TMEM132B: variants seen among roughly 807,000 people sequenced by gnomAD.
The protein encoded by TMEM132B is transmembrane protein 132B.
Under a neutral mutation model 90.8 loss-of-function variants are expected in TMEM132B, and 18 were observed. The ratio of observed to expected loss-of-function variants is 0.20; its 90% CI spans 0.14 to 0.29. The LOEUF (loss-of-function observed/expected upper bound fraction) is 0.29, where lower values mean the gene tolerates loss of function less well. Among genes scored for constraint, TMEM132B ranks in the 10% least tolerant of loss-of-function variants. The pLI is 1.00. For missense variants in TMEM132B, 1,096 were observed against 1,326.8 expected (o/e 0.83, Z 2.70); for synonymous variants, 504 against 523.3 (o/e 0.96, Z 0.50).
At chr12:125,651,512 G>A (rs934401638) in intron 7 of TMEM132B, among the ~76,000 whole-genome samples, 7 of 152,140 alleles carry the variant, frequency 4.6e-5, no homozygotes, top group Non-Finnish European at 8.8e-5. Context: ...AAATGTTTCC[G>A]CTCAGAGTTA....
intron 1 of TMEM132B, among the ~76,000 whole-genome samples, chr12:125,260,335 T>C (rs1003579379): frequency 2.0e-5 from 3 of 152,106 alleles, no homozygotes; most frequent in East Asian, 1.9e-4. Context: ...CATTTAAGTG[T>C]GTACAAACTC....
At chr12:125,455,393 T>G (rs1881266488) in intron 3 of TMEM132B, among the ~76,000 whole-genome samples, 1 of 152,106 alleles carries the variant, frequency 6.6e-6, no homozygotes, top group South Asian at 2.1e-4. Context: ...GCTTAGTGAT[T>G]AAAGTAAATC....
chr12:125,395,691 G>T (rs1256204118), intron 2 of TMEM132B, among the ~76,000 whole-genome samples: 1 of 152,190 alleles, frequency 6.6e-6, no homozygotes, highest in Non-Finnish European at 1.5e-5. Context: ...GCAAATAGAA[G>T]ACACCCAACT....
intron 3 of TMEM132B, among the ~76,000 whole-genome samples, chr12:125,514,160 G>A (rs1883047717): frequency 6.6e-6 from 1 of 152,170 alleles, no homozygotes; most frequent in Admixed American, 6.5e-5. Context: ...AGGCTCTGCT[G>A]GCTGGTCGCT....
At chr12:125,446,126 A>T (rs1442718621) in intron 3 of TMEM132B, among the ~76,000 whole-genome samples, 1 of 152,202 alleles carries the variant, frequency 6.6e-6, no homozygotes, top group Non-Finnish European at 1.5e-5. Flanking sequence ...TATCTTGATA[A>T]GTTCTTCCCC....
intron 1 of TMEM132B, among the ~76,000 whole-genome samples, chr12:125,210,252 G>C (rs1873289787): frequency 6.6e-6 from 1 of 152,216 alleles, no homozygotes; most frequent in Admixed American, 6.5e-5. Flanking sequence ...CAGAGATCCA[G>C]GGAACTTAAA....
intron 3 of TMEM132B, among the ~76,000 whole-genome samples, chr12:125,473,197 C>T (rs1205624722): frequency 6.6e-6 from 1 of 152,136 alleles, no homozygotes; most frequent in African/African-American, 2.4e-5. Context: ...TTTGCACTTG[C>T]TGTTCCCCCT....
At chr12:125,616,866 A>G (rs1379215074) in intron 5 of TMEM132B, among the ~76,000 whole-genome samples, 2 of 152,168 alleles carry the variant, frequency 1.3e-5, no homozygotes, top group African/African-American at 4.8e-5. Context: ...TTATAAGAAG[A>G]GAAAGACAGA....
At chr12:125,578,155 T>C (rs948524511) in intron 4 of TMEM132B, among the ~76,000 whole-genome samples, 2 of 152,134 alleles carry the variant, frequency 1.3e-5, no homozygotes, top group Non-Finnish European at 2.9e-5. Flanking sequence ...CTTTTCCTTG[T>C]TGATCTTATG....
intron 1 of TMEM132B, among the ~76,000 whole-genome samples, chr12:125,340,568 G>A (rs7134868): frequency 0.72 from 108,829 of 151,960 alleles, 39,049 homozygotes; most frequent in South Asian, 0.82. Context: ...ATTCTCTGTT[G>A]TATTTCAAAT....
chr12:125,331,597 G>C (rs2136205133), intron 1 of TMEM132B, among the ~76,000 whole-genome samples: 1 of 152,288 alleles, frequency 6.6e-6, no homozygotes, highest in East Asian at 1.9e-4. Context: ...AGCAGGAGCT[G>C]TACAGATGCC....
chr12:125,350,009 G>C lies in TMEM132B; in HGVS notation c.625G>C (p.Glu209Gln). ...FSSGLDLEPE[E>Q]EIPALLGGTT... is the part of the protein sequence containing the mutation. ...CTCAGGCCTGGACCTGGAACCAGAG[G>C]AGGAGATCCCAGCCCTGCTCGGGGG... Residue 209 changes from glutamate (E) to glutamine (Q), a missense_variant, in exon 2 of 9, where the codon GAG (glutamate) becomes CAG (glutamine). Coordinates refer to ENST00000682704, the MANE Select transcript of TMEM132B (RefSeq NM_001366854.1). The C allele has an allele frequency of 6.2e-7, 1 of 1,614,190 alleles. No individual in the cohort carries two copies. The highest frequency in any genetic ancestry group is 8.5e-7 in the Non-Finnish European group (1 of 1,180,032).
intron 5 of TMEM132B, among the ~76,000 whole-genome samples, chr12:125,594,156 A>G (rs1311978921): frequency 2.0e-5 from 3 of 152,192 alleles, no homozygotes; most frequent in Non-Finnish European, 1.5e-5. Context: ...ATCATAATGT[A>G]TGCTCCCTGT....
At chr12:125,274,646 A>G (rs1468302462) in intron 1 of TMEM132B, among the ~76,000 whole-genome samples, 1 of 152,262 alleles carries the variant, frequency 6.6e-6, no homozygotes, top group Admixed American at 6.5e-5. Flanking sequence ...AGAGGAGAAC[A>G]GGCTGCATTC....
chr12:125,506,635 AAAAATACTTTATC>A (rs1456995088), intron 3 of TMEM132B, among the ~76,000 whole-genome samples: 1 of 152,232 alleles, frequency 6.6e-6, no homozygotes, highest in Non-Finnish European at 1.5e-5. Context: ...AATTTTTGAA[AAAAATACTTTATC>A]AAAATACTTT....
chr12:125,290,396 A>G (rs921567597), intron 1 of TMEM132B, among the ~76,000 whole-genome samples: 2 of 152,160 alleles, frequency 1.3e-5, no homozygotes, highest in African/African-American at 2.4e-5. Context: ...GACAGTTACA[A>G]TCGATGCTCC....
intron 3 of TMEM132B, among the ~76,000 whole-genome samples, chr12:125,491,361 G>A (rs1472068613): frequency 6.6e-6 from 1 of 151,874 alleles, no homozygotes; most frequent in East Asian, 1.9e-4. Context: ...CCAAAGCTTT[G>A]GATTACTAAT....
chr12:125,652,635 G>A lies in TMEM132B; in HGVS notation c.2106+3G>A. 6.2e-7 allele frequency: 1 copy of A among 1,608,750 alleles called. No individual in the cohort carries two copies. Among genetic ancestry groups the A allele is most frequent in the Non-Finnish European group, 8.5e-7 (1 of 1,177,308 alleles). On this transcript the variant is annotated splice_donor_region_variant and intron_variant, in intron 8 of 8. Transcript: ENST00000682704. ...ATGTTCTTCAGTCCCCACAGCAGGT[G>A]AGCGTTCCAGGGGCCCTGCGTCCTT...
intron 4 of TMEM132B, among the ~76,000 whole-genome samples, chr12:125,549,347 T>G (rs1884164631): frequency 6.6e-6 from 1 of 152,204 alleles, no homozygotes; most frequent in Non-Finnish European, 1.5e-5. Flanking sequence ...GAAAACAGCC[T>G]CCCTTTCAGA....
Sources: allele counts gnomAD v4.1 joint callset (sites outside exome capture counted in the v4.1 genomes callset), GRCh38; gene constraint gnomAD v4.1.1; transcripts MANE v1.5; gene names NCBI Gene and HGNC (gene_info 2026-07-23, HGNC 2026-07-21).